The following ATP6V0A1 variants were observed in gnomAD, a reference collection of about 807,000 sequenced individuals.
The protein encoded by ATP6V0A1 is V-type proton ATPase 116 kDa subunit a 1.
ATP6V0A1 carries 43 observed loss-of-function variants against 105.4 expected under a neutral mutation model. That is an observed-to-expected ratio of 0.41 (90% CI 0.32 to 0.53). The LOEUF (loss-of-function observed/expected upper bound fraction) is 0.53, where lower values mean the gene tolerates loss of function less well. Ranked by LOEUF, ATP6V0A1 falls within the 20% of genes least tolerant of loss-of-function variation. The pLI is 0.30. For synonymous variants in ATP6V0A1, 362 were observed against 372.8 expected, an observed-to-expected ratio of 0.97 and a Z score of 0.33; for missense variants, 676 against 1,051.1, an observed-to-expected ratio of 0.64 and a Z score of 4.93.
chr17:42,494,307 A>G (rs1207162864), intron 11 of ATP6V0A1, 27 bp from the exon 12 acceptor site: 3 of 1,587,074 alleles, frequency 1.9e-6, no homozygotes, highest in African/African-American at 1.4e-5. Flanking sequence ...TGTACTTTGT[A>G]TTTTTCTTTT....
In ATP6V0A1 at chr17:42,501,214, C is replaced by T. The variant is rs2091642580; in HGVS notation, c.1914C>T (p.Phe638=). The T allele has an allele frequency of 1.2e-5, 19 of 1,613,574 alleles. No individual in the cohort carries two copies. Among genetic ancestry groups the T allele is most frequent in the Middle Eastern group, 1.7e-4 (1 of 6,060 alleles). ...LYSGQKGIQC[F]LVVVALLCVP... is the part of the protein sequence containing the mutation. The stretch of plus-strand genomic sequence containing the variant: ...CTCTGCAGAAAGGAATTCAGTGTTT[C>T]CTGGTAGTGGTTGCACTACTGTGTG... The change falls in exon 17 of 22, where the codon TTC becomes TTT. Residue 638 remains phenylalanine (F), a synonymous_variant. Transcript: ENST00000343619.
At chr17:42,464,495 C>T (rs753313413) in intron 2 of ATP6V0A1, among the ~76,000 whole-genome samples, 3 of 151,886 alleles carry the variant, frequency 2.0e-5, no homozygotes, top group Admixed American at 6.6e-5. Flanking sequence ...CTCCGCCTCC[C>T]GGGTTCAAGC....
Position 42,498,956 on chromosome 17 carries a change from C to T in ATP6V0A1, c.1593C>T (p.Phe531=). Residue 531 remains phenylalanine (F), a synonymous_variant, in exon 15 of 22, where the codon TTC becomes TTT. Coordinates refer to ENST00000343619, the MANE Select transcript of ATP6V0A1 (RefSeq NM_001130021.3). The part of the protein sequence containing the change: ...IWNIATNKLT[F]LNSFKMKMSV... ...ACATTGCTACCAATAAACTGACGTTCTTGAACTCCTTTAAGATGAAGATGT... is the reference window on the plus strand; with the variant it reads ...ACATTGCTACCAATAAACTGACGTTTTTGAACTCCTTTAAGATGAAGATGT... 6.2e-7 allele frequency: 1 copy of T among 1,613,282 alleles called. No homozygotes were observed. The highest frequency in any genetic ancestry group is 8.5e-7 in the Non-Finnish European group (1 of 1,179,356).
At chr17:42,466,884 A>C (rs943143114) in intron 3 of ATP6V0A1, among the ~76,000 whole-genome samples, 5 of 152,194 alleles carry the variant, frequency 3.3e-5, no homozygotes, top group Non-Finnish European at 5.9e-5. Context: ...CCGGTGGCTC[A>C]CACCTGTAAT....
chr17:42,495,503 T>TC, intron 13 of ATP6V0A1, 123 bp from the exon 14 acceptor site: 4 of 769,050 alleles, frequency 5.2e-6, no homozygotes, highest in Non-Finnish European at 8.5e-6. Flanking sequence ...TCTTTATTTT[T>TC]CCCCTCCCAT....
chr17:42,519,746 C>G (rs1567879373), intron 21 of ATP6V0A1: 1 of 152,400 alleles, frequency 6.6e-6, no homozygotes, highest in East Asian at 1.9e-4. Context: ...GTGTCCTCCC[C>G]CTCCTGAGTC....
At chr17:42,487,656 A>G (rs1598877177) in intron 10 of ATP6V0A1, among the ~76,000 whole-genome samples, 1 of 152,108 alleles carries the variant, frequency 6.6e-6, no homozygotes, top group Non-Finnish European at 1.5e-5. Flanking sequence ...TGAACCTGGG[A>G]GGCGGAGCTT....
intron 21 of ATP6V0A1, among the ~76,000 whole-genome samples, chr17:42,515,390 A>G (rs2092571095): frequency 6.7e-6 from 1 of 148,438 alleles, no homozygotes; most frequent in African/African-American, 2.5e-5. Context: ...AATCTCTTAA[A>G]CCCAGGAGGC....
At chr17:42,490,762 C>A in intron 11 of ATP6V0A1, 125 bp downstream of exon 11, 1 of 1,038,764 alleles carries the variant, frequency 9.6e-7, no homozygotes, top group Non-Finnish European at 1.4e-6. Flanking sequence ...GACTGTAGTT[C>A]ACTGCAGCCT....
chr17:42,494,302 T>G (rs200117905), intron 11 of ATP6V0A1, 32 bp from the exon 12 acceptor site: 75 of 1,583,410 alleles, frequency 4.7e-5, no homozygotes, highest in Non-Finnish European at 6.2e-5. Flanking sequence ...TTTAATGTAC[T>G]TTGTATTTTT....
chr17:42,472,948 G>A (rs1254862952), intron 5 of ATP6V0A1, among the ~76,000 whole-genome samples: 1 of 152,122 alleles, frequency 6.6e-6, no homozygotes, highest in African/African-American at 2.4e-5. Flanking sequence ...TAGGTGATCC[G>A]GAGGCATGCT....
At chr17:42,501,110 G>A (rs981889315) in intron 16 of ATP6V0A1, 87 bp from the exon 17 acceptor site, 1 of 1,205,012 alleles carries the variant, frequency 8.3e-7, no homozygotes. Context: ...AAGTACTGTT[G>A]GGGGAAATTT....
At chr17:42,498,565 C>T (rs988199209) in intron 14 of ATP6V0A1, among the ~76,000 whole-genome samples, 7 of 151,798 alleles carry the variant, frequency 4.6e-5, no homozygotes, top group East Asian at 3.9e-4. Flanking sequence ...CGGTGGCTCA[C>T]GCCTGTAATC....
At chr17:42,518,949 T>C (rs1323674600) in intron 21 of ATP6V0A1, 1 of 152,262 alleles carries the variant, frequency 6.6e-6, no homozygotes, top group Non-Finnish European at 1.5e-5. Flanking sequence ...GTGGGGAGAC[T>C]AGCAGGGAAA....
Position 42,490,649 on chromosome 17 carries a change from CTTG to C in ATP6V0A1, c.1174+15_1174+17del. On this transcript the variant is annotated intron_variant, in intron 11 of 21. Coordinates refer to ENST00000343619, the MANE Select transcript of ATP6V0A1 (RefSeq NM_001130021.3). ...AGAGATAAATCCAGGTAAAAAAAAG[CTTG>C]TTATCTTTTTCCTCTAGAGTTTTTT... 3 of 1,574,552 alleles carry C rather than the reference CTTG, an allele frequency of 1.9e-6. No homozygotes were observed. The highest frequency in any genetic ancestry group is 2.6e-6 in the Non-Finnish European group (3 of 1,166,346).
Position 42,487,275 on chromosome 17 carries a change from A to C in ATP6V0A1, c.931A>C (p.Asn311His). The change falls in exon 10 of 22, where the codon AAC becomes CAC. Residue 311 changes from asparagine to histidine, a missense_variant. By Grantham distance (68) the Asn-to-His change is moderately conservative (BLOSUM62 1). Transcript: ENST00000343619. ...KAIYHTLNLC[N>H]IDVTQKCLIA... ...CATCTATCACACCCTGAACCTGTGC[A>C]ACATAGATGTGACTCAGAAATGCTT... 1.2e-6 allele frequency: 2 copies of C among 1,614,176 alleles called. No homozygotes were observed. The highest frequency in any genetic ancestry group is 1.7e-6 in the Non-Finnish European group (2 of 1,180,018).
intron 11 of ATP6V0A1, among the ~76,000 whole-genome samples, chr17:42,492,944 A>G (rs2090802562): frequency 6.6e-6 from 1 of 151,752 alleles, no homozygotes; most frequent in Admixed American, 6.6e-5. Context: ...CTTGAACCCA[A>G]GAGACAGAAG....
rs368733083 is a variant in ATP6V0A1, at chr17:42,474,033, C to T, written c.424-3627C>T. On this transcript the variant is annotated intron_variant, in intron 5 of 21. Transcript: ENST00000343619. ...TTTTTTTTTTTTTGAGACAGAGTCT[C>T]GCTTTGTCATCCAGGCTGGAGTGCA... Among the ~76,000 whole-genome samples, 468 of 150,250 alleles carry T rather than the reference C, an allele frequency of 3.1e-3. 3 individuals are homozygous for T. Among genetic ancestry groups the T allele is most frequent in the African/African-American group, 0.011 (443 of 40,874 alleles).
At chr17:42,485,610 A>C (rs1386295708) in intron 9 of ATP6V0A1, among the ~76,000 whole-genome samples, 1 of 152,186 alleles carries the variant, frequency 6.6e-6, no homozygotes, top group Non-Finnish European at 1.5e-5. Context: ...GCTGGAATGC[A>C]GTGGCACAAT....
Sources: allele counts gnomAD v4.1 joint callset (sites outside exome capture counted in the v4.1 genomes callset), GRCh38; gene constraint gnomAD v4.1.1; transcripts MANE v1.5; gene names NCBI Gene and HGNC (gene_info 2026-07-23, HGNC 2026-07-21).